Variants in UGGT1 observed in about 807,000 individuals in gnomAD.
The protein encoded by UGGT1 is UDP-glucose glycoprotein glucosyltransferase 1, also known as UDP-glucose:glycoprotein glucosyltransferase 1.
UGGT1 carries 107 observed loss-of-function variants against 203.9 expected under a neutral mutation model. The observed-to-expected ratio is 0.52, with a 90% confidence interval of 0.45 to 0.62. The LOEUF (loss-of-function observed/expected upper bound fraction) is 0.62, where lower values mean the gene tolerates loss of function less well. Ranked by LOEUF, UGGT1 falls within the 20% of genes least tolerant of loss-of-function variation. The pLI, the probability that UGGT1 is intolerant of heterozygous loss-of-function variation, is 0.00. For synonymous variants in UGGT1, 628 were observed against 653.5 expected, an observed-to-expected ratio of 0.96 and a Z score of 0.59; for missense variants, 1,673 against 1,867.2, an observed-to-expected ratio of 0.90 and a Z score of 1.92.
intron 8 of UGGT1, 127 bp from the exon 9 acceptor site, chr2:128,120,229 C>A (rs1573525752): frequency 1.4e-5 from 10 of 719,404 alleles, no homozygotes; most frequent in South Asian, 1.3e-4. Flanking sequence ...TCATTTTTTC[C>A]CCCTATGTCG....
intron 6 of UGGT1, 42 bp downstream of exon 6, chr2:128,113,300 G>C: frequency 6.7e-7 from 1 of 1,488,250 alleles, no homozygotes; most frequent in Non-Finnish European, 9.1e-7. Flanking sequence ...AATGTAATTT[G>C]CCTAGCATGA....
intron 16 of UGGT1, 68 bp downstream of exon 16, chr2:128,138,920 T>C (rs1177700914): frequency 3.2e-6 from 5 of 1,580,618 alleles, no homozygotes; most frequent in East Asian, 4.5e-5. Flanking sequence ...CAATGTGTGG[T>C]CATTGTATGC....
intron 16 of UGGT1, 93 bp from the exon 17 acceptor site, chr2:128,142,995 AATAAGT>A: frequency 3.1e-6 from 4 of 1,280,786 alleles, no homozygotes; most frequent in Non-Finnish European, 4.2e-6. Flanking sequence ...AAAAAAGAAA[AATAAGT>A]ATATTTTCCT....
chr2:128,136,515 CCT>C (rs1163136998), intron 15 of UGGT1, among the ~76,000 whole-genome samples: 1 of 152,210 alleles, frequency 6.6e-6, no homozygotes, highest in East Asian at 1.9e-4. Flanking sequence ...ATTTAAGCTT[CCT>C]CTGTGTCTTC....
chr2:128,143,282 C>T (rs1456219102), intron 17 of UGGT1, 57 bp downstream of exon 17: 28 of 1,507,472 alleles, frequency 1.9e-5, no homozygotes, highest in East Asian at 1.2e-4. Flanking sequence ...TCCTTAACCC[C>T]GTGTTTGGGG....
chr2:128,181,300 G>A (rs1299823202), intron 36 of UGGT1, among the ~76,000 whole-genome samples: 1 of 152,118 alleles, frequency 6.6e-6, no homozygotes, highest in East Asian at 1.9e-4. Context: ...CATAATGTGT[G>A]CAGTTTTGTA....
At position 128,151,325 on chromosome 2, in the gene UGGT1, A is replaced by G. The variant is rs1479536695; in HGVS notation, c.2017-1459A>G. ...TTCAGCAGCACCTTCACAGGCAGAC[A>G]TGGCGCCTGCCACGCCTTCCCCAGG... is the stretch of plus-strand genomic sequence containing the variant. On this transcript the variant is annotated intron_variant, in intron 18 of 40. Transcript: ENST00000259253. 4 of 559,502 alleles carry G rather than the reference A, an allele frequency of 7.1e-6. No individual in the cohort carries two copies. The East Asian group carries it at 1.0e-4, about 14-fold the overall frequency. 34.7% of individuals were successfully genotyped at this position (559,502 alleles called of 1,614,324 possible). A position where few individuals can be genotyped will look rare whatever the true frequency, so the allele number is the denominator to read the frequency against.
intron 19 of UGGT1, among the ~76,000 whole-genome samples, chr2:128,153,870 T>C (rs1208567027): frequency 1.3e-5 from 2 of 152,198 alleles, no homozygotes; most frequent in African/African-American, 4.8e-5. Context: ...GATGGAACTG[T>C]CATCACTAGC....
At chr2:128,095,655 A>G (rs567007307) in intron 1 of UGGT1, among the ~76,000 whole-genome samples, 12 of 152,098 alleles carry the variant, frequency 7.9e-5, no homozygotes, top group Admixed American at 7.2e-4. Flanking sequence ...TGCCTGGCTG[A>G]TTTATTAATT....
chr2:128,116,679 C>T lies in UGGT1; in HGVS notation c.872+336C>T, dbSNP rs147009143. 4.1e-3 allele frequency among the ~76,000 whole-genome samples: 628 copies of T among 152,076 alleles called. 9 individuals carry two copies. The highest frequency in any genetic ancestry group is 0.015 in the African/African-American group (602 of 41,502). ...AGCTGGGATTACAGGCATGCACCAC[C>T]ACACCCGGCTAATTTTTGTATCTTT... On this transcript the variant is annotated intron_variant, in intron 8 of 40. Transcript: ENST00000259253.
intron 37 of UGGT1, among the ~76,000 whole-genome samples, chr2:128,183,172 T>C (rs1001432255): frequency 3.9e-5 from 6 of 152,234 alleles, no homozygotes; most frequent in Admixed American, 3.9e-4. Flanking sequence ...CATTCTCTTC[T>C]CTGCGAGAAG....
intron 1 of UGGT1, among the ~76,000 whole-genome samples, chr2:128,095,044 G>C (rs566683634): frequency 6.6e-6 from 1 of 151,976 alleles, no homozygotes; most frequent in Admixed American, 6.6e-5. Context: ...CCACTGCGCT[G>C]GGCCAGTCCC....
chr2:128,130,772 CT>C (rs1688841255), intron 13 of UGGT1, among the ~76,000 whole-genome samples: 1 of 152,056 alleles, frequency 6.6e-6, no homozygotes, highest in African/African-American at 2.4e-5. Flanking sequence ...CTTTTATTTT[CT>C]ATCAAATATA....
intron 1 of UGGT1, among the ~76,000 whole-genome samples, chr2:128,094,736 CTTTTTTTTTTT>C (rs70988604): frequency 3.7e-4 from 31 of 84,628 alleles, no homozygotes; most frequent in Admixed American, 1.1e-3. Flanking sequence ...TAAGAGAATG[CTTTTTTTTTTT>C]TTTTTTTTTT....
chr2:128,167,957 C>G (rs1481023314), intron 26 of UGGT1, among the ~76,000 whole-genome samples: 4 of 152,132 alleles, frequency 2.6e-5, no homozygotes, highest in African/African-American at 9.7e-5. Flanking sequence ...CAGGCATGAC[C>G]AGATGTTACA....
rs538578344 is a variant in UGGT1 at position 128,127,523 on chromosome 2, C to T, written c.1226+71C>T. 9.0e-5 allele frequency: 107 copies of T among 1,188,764 alleles called. 1 individual carries two copies. In the South Asian group the frequency reaches 1.3e-3, roughly 15 times the overall value. The allele number at this position is 1,188,764 out of a possible 1,614,324, so 73.6% of individuals were successfully genotyped here. A position where few individuals can be genotyped will look rare whatever the true frequency, so the allele number is the denominator to read the frequency against. On this transcript the variant is annotated intron_variant, in intron 12 of 40. Coordinates refer to ENST00000259253, the MANE Select transcript of UGGT1 (RefSeq NM_020120.4). ...AGCACCTTGTAACATGTTCATATTG[C>T]CGTTCCTTCTTGATATGGCATGATG...
chr2:128,109,608 A>C (rs777454399), intron 4 of UGGT1, 26 bp from the exon 5 acceptor site: 6 of 1,562,074 alleles, frequency 3.8e-6, no homozygotes, highest in Non-Finnish European at 5.3e-6. Context: ...AAATTTAAAA[A>C]GTATGTGTTG....
intron 11 of UGGT1, among the ~76,000 whole-genome samples, 166 bp downstream of exon 11, chr2:128,123,412 T>C (rs936342966): frequency 1.3e-5 from 2 of 152,212 alleles, no homozygotes; most frequent in Non-Finnish European, 2.9e-5. Flanking sequence ...GAAAGTTCAG[T>C]ATGCACATAA....
chr2:128,183,800 A>G lies in UGGT1; in HGVS notation c.4359+11A>G, dbSNP rs760807849. On this transcript the variant is annotated intron_variant, in intron 38 of 40. Coordinates refer to ENST00000259253, the MANE Select transcript of UGGT1 (RefSeq NM_020120.4). The stretch of plus-strand genomic sequence containing the variant: ...TCAAATCTTGATCAAGTAAGTGTCC[A>G]TTTTTTATGGTTAACTGTGAGTGAC... 2 of 1,600,640 alleles carry G rather than the reference A, an allele frequency of 1.2e-6. No individual in the cohort carries two copies. The highest frequency in any genetic ancestry group is 8.6e-7 in the Non-Finnish European group (1 of 1,167,988).
Sources: gnomAD v4.1 joint callset for allele counts (sites outside exome capture counted in the v4.1 genomes callset) on GRCh38, gnomAD v4.1.1 for gene constraint, MANE v1.5 for transcripts, NCBI Gene and HGNC (gene_info 2026-07-23, HGNC 2026-07-21) for gene names.